TRIT1: variants seen among roughly 807,000 people sequenced by gnomAD.
TRIT1 encodes tRNA dimethylallyltransferase.
TRIT1 carries 43 observed loss-of-function variants against 51.2 expected under a neutral mutation model. That is an observed-to-expected ratio of 0.84 (90% CI 0.66 to 1.08). The LOEUF (loss-of-function observed/expected upper bound fraction) is 1.08. Among genes scored for constraint, TRIT1 ranks in the 50% least tolerant of loss-of-function variants. The pLI is 0.00. For synonymous variants in TRIT1, 184 were observed against 203.9 expected (o/e 0.90, Z 0.83); for missense variants, 528 against 578.4 (o/e 0.91, Z 0.89).
In TRIT1 at chr1:39,844,557, G is replaced by A; in HGVS notation, c.1090C>T (p.Leu364Phe). The A allele has an allele frequency of 6.2e-7, 1 of 1,613,930 alleles. No individual in the cohort carries two copies. Among genetic ancestry groups the A allele is most frequent in the South Asian group, 1.1e-5 (1 of 91,068 alleles). The change falls in exon 9 of 11, where the codon CTT (leucine) becomes TTT (phenylalanine). Residue 364 changes from leucine (L) to phenylalanine (F), a missense_variant. Transcript: ENST00000316891. The part of the protein sequence containing the change: ...KWEESVLEPA[L>F]EIVQSFIQGH... Reference sequence around the variant, plus strand: ...TGGATGAAACTTTGCACGATTTCAAGAGCAGGTTCAAGAACAGACTCTTCC... The same window carrying A: ...TGGATGAAACTTTGCACGATTTCAAAAGCAGGTTCAAGAACAGACTCTTCC...
At chr1:39,868,542 G>C (rs530166106) in intron 1 of TRIT1, among the ~76,000 whole-genome samples, 1 of 152,004 alleles carries the variant, frequency 6.6e-6, no homozygotes, top group East Asian at 1.9e-4. Context: ...TACTCAGGAG[G>C]CTGAGGCAGG....
At chr1:39,852,061 G>T (rs987051749) in intron 4 of TRIT1, among the ~76,000 whole-genome samples, 7 of 152,034 alleles carry the variant, frequency 4.6e-5, no homozygotes, top group Admixed American at 1.3e-4. Context: ...ATTCATTTGA[G>T]TGGAATACTT....
At chr1:39,851,511 T>C (rs1355524385) in intron 4 of TRIT1, among the ~76,000 whole-genome samples, 2 of 152,246 alleles carry the variant, frequency 1.3e-5, no homozygotes, top group Non-Finnish European at 2.9e-5. Context: ...GTTTGGATAC[T>C]GAAAAGTATA....
At chr1:39,879,639 C>T (rs1266871760) in intron 1 of TRIT1, among the ~76,000 whole-genome samples, 1 of 151,352 alleles carries the variant, frequency 6.6e-6, no homozygotes, top group Non-Finnish European at 1.5e-5. Context: ...TTTGGGAGGC[C>T]AAGGCAGGCG....
chr1:39,870,625 A>T (rs1326429226), intron 1 of TRIT1, among the ~76,000 whole-genome samples: 1 of 151,914 alleles, frequency 6.6e-6, no homozygotes, highest in African/African-American at 2.4e-5. Context: ...AAGAAAAAAA[A>T]AAAAGCCTGA....
intron 1 of TRIT1, among the ~76,000 whole-genome samples, chr1:39,858,522 C>T (rs1399052314): frequency 6.6e-6 from 1 of 152,160 alleles, no homozygotes; most frequent in African/African-American, 2.4e-5. Flanking sequence ...TTGCCTGGCA[C>T]ATTTTAAGGG....
intron 2 of TRIT1, 143 bp downstream of exon 2, chr1:39,857,134 A>G (rs1198849209): frequency 2.2e-6 from 2 of 903,734 alleles, no homozygotes; most frequent in Non-Finnish European, 3.2e-6. Flanking sequence ...CTTTCAGTCC[A>G]TAGTCTGATG....
intron 1 of TRIT1, among the ~76,000 whole-genome samples, chr1:39,858,279 C>T (rs1356872977): frequency 6.6e-6 from 1 of 152,172 alleles, no homozygotes; most frequent in Non-Finnish European, 1.5e-5. Context: ...CCTTTACTTA[C>T]ACGGGTGTCA....
At chr1:39,851,695 C>G (rs547721412) in intron 4 of TRIT1, among the ~76,000 whole-genome samples, 3 of 152,100 alleles carry the variant, frequency 2.0e-5, no homozygotes, top group Non-Finnish European at 4.4e-5. Context: ...ATAATCCCAG[C>G]ACTTCGGTAG....
chr1:39,845,528 C>A (rs1293821476), intron 8 of TRIT1, among the ~76,000 whole-genome samples: 1 of 152,226 alleles, frequency 6.6e-6, no homozygotes, highest in African/African-American at 2.4e-5. Flanking sequence ...AAATAAGATT[C>A]TTCATAAACT....
At chr1:39,863,968 G>A (rs1471769025) in intron 1 of TRIT1, among the ~76,000 whole-genome samples, 3 of 151,880 alleles carry the variant, frequency 2.0e-5, no homozygotes, top group Admixed American at 6.6e-5. Flanking sequence ...CTCAGCTCAC[G>A]GCAACCTCCA....
rs1370628285 is a variant in TRIT1, at chr1:39,848,042, C to A, written c.759G>T (p.Leu253Phe). ...RVDDMLAAGL[L>F]EELRDFHRRY... ...GTCTGTGAAAATCTCTTAGTTCCTC[C>A]AAGAGCCCAGCAGCAAGCATGTCAT... The change falls in exon 6 of 11, where the codon TTG (leucine) becomes TTT (phenylalanine). Residue 253 changes from leucine to phenylalanine, a missense_variant. Coordinates refer to ENST00000316891, the MANE Select transcript of TRIT1 (RefSeq NM_017646.6). 2 of 1,614,112 alleles carry A rather than the reference C, an allele frequency of 1.2e-6. No individual in the cohort carries two copies. Among genetic ancestry groups the A allele is most frequent in the Non-Finnish European group, 1.7e-6 (2 of 1,180,028 alleles).
chr1:39,871,060 G>A (rs191368371), intron 1 of TRIT1, among the ~76,000 whole-genome samples: 12 of 152,254 alleles, frequency 7.9e-5, no homozygotes, highest in Non-Finnish European at 1.3e-4. Context: ...GGGCGTGGTC[G>A]CACATGCCTG....
chr1:39,847,091 A>G, intron 8 of TRIT1, 129 bp downstream of exon 8: 1 of 672,924 alleles, frequency 1.5e-6, no homozygotes. Context: ...ATGTTATAGA[A>G]CTTCCCTTAG....
intron 1 of TRIT1, among the ~76,000 whole-genome samples, chr1:39,870,513 T>TAAAAAAAA (rs60334518): frequency 3.9e-4 from 31 of 78,780 alleles, no homozygotes; most frequent in East Asian, 1.4e-3. Flanking sequence ...CAATAAATAC[T>TAAAAAAAA]AAAAAAAAAA....
intron 1 of TRIT1, among the ~76,000 whole-genome samples, 197 bp downstream of exon 1, chr1:39,883,121 G>A (rs1005341914): frequency 1.3e-5 from 2 of 152,184 alleles, no homozygotes; most frequent in Non-Finnish European, 2.9e-5. Flanking sequence ...AACGTCGTGA[G>A]AAGTTGATGA....
chr1:39,860,696 T>G (rs998258341), intron 1 of TRIT1, among the ~76,000 whole-genome samples: 1 of 152,198 alleles, frequency 6.6e-6, no homozygotes, highest in Non-Finnish European at 1.5e-5. Flanking sequence ...TGTTCATAAT[T>G]ATCGACTCTA....
At chr1:39,865,671 C>CAAAAAAAAAAA (rs142393332) in intron 1 of TRIT1, among the ~76,000 whole-genome samples, 3 of 68,326 alleles carry the variant, frequency 4.4e-5, no homozygotes, top group Non-Finnish European at 9.4e-5. Context: ...TCTGTCTCTA[C>CAAAAAAAAAAA]AAAAAAAAAA....
intron 1 of TRIT1, among the ~76,000 whole-genome samples, chr1:39,869,996 C>T (rs943016344): frequency 6.6e-6 from 1 of 152,218 alleles, no homozygotes; most frequent in African/African-American, 2.4e-5. Context: ...CGGCCGCCAC[C>T]CCGTCTGGGA....
Sources: allele counts gnomAD v4.1 joint callset (sites outside exome capture counted in the v4.1 genomes callset), GRCh38; gene constraint gnomAD v4.1.1; transcripts MANE v1.5; gene names NCBI Gene and HGNC (gene_info 2026-07-23, HGNC 2026-07-21).